Variants in PPARD observed in about 807,000 individuals in gnomAD.
PPARD encodes the protein peroxisome proliferator activated receptor delta.
PPARD carries 6 observed loss-of-function variants against 39.5 expected under a neutral mutation model. That is an observed-to-expected ratio of 0.15 (90% CI 0.08 to 0.30). PPARD has a LOEUF of 0.30. Among genes scored for constraint, PPARD ranks in the 10% least tolerant of loss-of-function variants. PPARD has a pLI of 1.00. For synonymous variants in PPARD, 210 were observed against 231.3 expected, an observed-to-expected ratio of 0.91 and a Z score of 0.83; for missense variants, 397 against 596.8, an observed-to-expected ratio of 0.67 and a Z score of 3.49.
chr6:35,380,486 T>G lies in PPARD; in HGVS notation c.-101-30501T>G, dbSNP rs1350903084. Among the ~76,000 whole-genome samples the G allele has an allele frequency of 2.8e-4, 36 of 126,884 alleles. 1 individual carries two copies. The highest frequency in any genetic ancestry group is 8.9e-4 in the African/African-American group (25 of 28,056). 83.2% of individuals were successfully genotyped at this position (126,884 alleles called of 152,430 possible). A position where few individuals can be genotyped will look rare whatever the true frequency, so the allele number is the denominator to read the frequency against. On this transcript the variant is annotated intron_variant, in intron 2 of 7. Transcript: ENST00000360694. ...TTTTTTTTTTTGTTTGTTTTTTTTT[T>G]TTTTTTTTTTTTTTTTTTTTGAGAC... is the stretch of plus-strand genomic sequence containing the variant.
intron 2 of PPARD, among the ~76,000 whole-genome samples, chr6:35,410,749 T>C (rs1386080443): frequency 6.6e-6 from 1 of 152,052 alleles, no homozygotes; most frequent in Non-Finnish European, 1.5e-5. Flanking sequence ...CTCTCTAGTT[T>C]ATGGAGCCTG....
chr6:35,348,245 C>T (rs905156441), intron 2 of PPARD: 14 of 681,720 alleles, frequency 2.1e-5, no homozygotes, highest in Non-Finnish European at 2.5e-5. Context: ...ATGTGCCAGG[C>T]ACTTGGGAAA....
rs760545160 is a variant in PPARD at position 35,401,698 on chromosome 6, A to C, written c.-101-9289A>C. ...TCTCCTGGCCACTCGCACCTGACTC[A>C]TGTGCTCTGAGTGCCACACCTTGCT... On this transcript the variant is annotated intron_variant, in intron 2 of 7. Coordinates refer to ENST00000360694, the MANE Select transcript of PPARD (RefSeq NM_006238.5). The surrounding 1 kb of genome is among the most constrained non-coding windows in gnomAD (Gnocchi z 4.1). Among the ~76,000 whole-genome samples the C allele has an allele frequency of 1.3e-5, 2 of 152,126 alleles. No individual in the cohort carries two copies. Among genetic ancestry groups the C allele is most frequent in the Non-Finnish European group, 1.5e-5 (1 of 67,996 alleles).
intron 2 of PPARD, among the ~76,000 whole-genome samples, chr6:35,369,514 G>C (rs9658083): frequency 0.23 from 34,753 of 152,056 alleles, 8,798 homozygotes; most frequent in African/African-American, 0.63. Flanking sequence ...CTTTCTCTAC[G>C]TACAGATTTA....
intron 2 of PPARD, among the ~76,000 whole-genome samples, chr6:35,407,230 T>G (rs1322262868): frequency 6.6e-6 from 1 of 152,182 alleles, no homozygotes; most frequent in Non-Finnish European, 1.5e-5. Context: ...CTTCACGTCC[T>G]CCTCTTCCTG....
At chr6:35,402,392 G>A (rs1307328623) in intron 2 of PPARD, among the ~76,000 whole-genome samples, 1 of 152,220 alleles carries the variant, frequency 6.6e-6, no homozygotes, top group Non-Finnish European at 1.5e-5. Flanking sequence ...GAGAGGTGAT[G>A]CAGGGATCTG....
chr6:35,427,568 GACCAGTCCCAC>G lies in PPARD; in HGVS notation c.*1493_*1503del, dbSNP rs1766661841. On this transcript the variant is annotated 3_prime_UTR_variant, in exon 8 of 8. Coordinates refer to ENST00000360694, the MANE Select transcript of PPARD (RefSeq NM_006238.5). ...CCTCTAGTGTCCGGGGACCTTGTGG[GACCAGTCCCAC>G]ACCGCTGGTCCCTGCCCTCCCCTGC... 6.6e-6 allele frequency: 1 copy of G among 152,492 alleles called. No individual in the cohort carries two copies. 9.4% of individuals were successfully genotyped at this position (152,492 alleles called of 1,614,324 possible). A position where few individuals can be genotyped will look rare whatever the true frequency, so the allele number is the denominator to read the frequency against.
At chr6:35,370,677 C>G (rs1287461034) in intron 2 of PPARD, among the ~76,000 whole-genome samples, 2 of 152,174 alleles carry the variant, frequency 1.3e-5, no homozygotes, top group African/African-American at 4.8e-5. Flanking sequence ...GAGAACTTGC[C>G]AGGGATGCAG....
chr6:35,355,859 T>C (rs970917080), intron 2 of PPARD, among the ~76,000 whole-genome samples: 1 of 151,520 alleles, frequency 6.6e-6, no homozygotes, highest in African/African-American at 2.4e-5. Flanking sequence ...GATCCGCCCG[T>C]CTCAGCCTCC....
intron 2 of PPARD, among the ~76,000 whole-genome samples, chr6:35,357,537 A>AC (rs1445440999): frequency 7.0e-6 from 1 of 143,304 alleles, no homozygotes; most frequent in Non-Finnish European, 1.5e-5. Flanking sequence ...TCCACTGCCT[A>AC]CTTTTTTTTT....
At chr6:35,370,811 GA>G (rs1047213525) in intron 2 of PPARD, among the ~76,000 whole-genome samples, 3 of 151,086 alleles carry the variant, frequency 2.0e-5, no homozygotes, top group South Asian at 2.1e-4. Flanking sequence ...GTTGGGATTG[GA>G]AAAAAAAAGA....
At chr6:35,421,782 T>G in intron 4 of PPARD, 38 bp from the exon 5 acceptor site, 1 of 1,570,670 alleles carries the variant, frequency 6.4e-7, no homozygotes, top group Non-Finnish European at 8.7e-7. Context: ...CCCTCCCACC[T>G]CCTGGTGGCC....
At chr6:35,343,572 G>A (rs1375950860) in intron 1 of PPARD, among the ~76,000 whole-genome samples, 3 of 152,210 alleles carry the variant, frequency 2.0e-5, no homozygotes, top group African/African-American at 7.2e-5. Flanking sequence ...GAATTAAGAG[G>A]CTGATTGACT....
chr6:35,401,364 T>C lies in PPARD; in HGVS notation c.-101-9623T>C, dbSNP rs1764683078. Among the ~76,000 whole-genome samples the C allele has an allele frequency of 6.6e-6, 1 of 152,210 alleles. No individual in the cohort carries two copies. The highest frequency in any genetic ancestry group is 1.5e-5 in the Non-Finnish European group (1 of 68,038). ...GGCTGAAATCATCTTCAGTCTGTTA[T>C]CACCTTCAGTCTGTTCTCATCTTCA... On this transcript the variant is annotated intron_variant, in intron 2 of 7. Coordinates refer to ENST00000360694, the MANE Select transcript of PPARD (RefSeq NM_006238.5). This position sits in a 1 kb window ranked among gnomAD's most constrained non-coding sequence, Gnocchi z 4.1.
chr6:35,402,059 C>T (rs939354471), intron 2 of PPARD, among the ~76,000 whole-genome samples: 1 of 152,136 alleles, frequency 6.6e-6, no homozygotes, highest in Non-Finnish European at 1.5e-5. Context: ...TCCTTTACCT[C>T]GTTGGCATCT....
At position 35,410,976 on chromosome 6, in the gene PPARD, C is replaced by G; in HGVS notation, c.-101-11C>G. 7.9e-7 allele frequency: 1 copy of G among 1,273,720 alleles called. No homozygotes were observed. The highest frequency in any genetic ancestry group is 1.0e-6 in the Non-Finnish European group (1 of 1,000,074). The allele number at this position is 1,273,720 out of a possible 1,614,324, so 78.9% of individuals were successfully genotyped here. A position where few individuals can be genotyped will look rare whatever the true frequency, so the allele number is the denominator to read the frequency against. ...CTCCCCTGACCTCTTCCTGTCTTCT[C>G]CTCTGCCCAGGCTGATGGGAACCAC... On this transcript the variant is annotated splice_polypyrimidine_tract_variant and intron_variant, in intron 2 of 7. Coordinates refer to ENST00000360694, the MANE Select transcript of PPARD (RefSeq NM_006238.5).
At chr6:35,393,380 C>T (rs1027001249) in intron 2 of PPARD, among the ~76,000 whole-genome samples, 2 of 152,190 alleles carry the variant, frequency 1.3e-5, no homozygotes, top group African/African-American at 4.8e-5. Flanking sequence ...CCTTCTCTCT[C>T]CTGCTAGGTG....
chr6:35,417,778 C>T (rs995388833), intron 3 of PPARD, among the ~76,000 whole-genome samples: 2 of 152,212 alleles, frequency 1.3e-5, no homozygotes, highest in Admixed American at 6.5e-5. Context: ...GATCCGCCCG[C>T]GTCGGCCTCC....
At chr6:35,421,981 C>T (rs1766201225) in intron 5 of PPARD, 23 bp downstream of exon 5, 2 of 1,583,524 alleles carry the variant, frequency 1.3e-6, no homozygotes, top group Non-Finnish European at 1.7e-6. Context: ...CAGGGCAACT[C>T]ACGGGCTGCT....
Sources: allele counts gnomAD v4.1 joint callset (sites outside exome capture counted in the v4.1 genomes callset), GRCh38; gene constraint gnomAD v4.1.1; non-coding constraint Gnocchi (gnomAD v3.1); transcripts MANE v1.5; gene names NCBI Gene and HGNC (gene_info 2026-07-23, HGNC 2026-07-21).